GPC5: variants seen among roughly 807,000 people sequenced by gnomAD.
GPC5 encodes glypican 5, also known as glypican-5.
A neutral mutation model predicts 53.9 loss-of-function variants in GPC5; 47 were observed. The ratio of observed to expected loss-of-function variants is 0.87; its 90% confidence interval spans 0.69 to 1.11. The LOEUF (loss-of-function observed/expected upper bound fraction) is 1.11, where lower values mean the gene tolerates loss of function less well. Ranked by LOEUF, GPC5 falls within the 50% of genes most tolerant of loss-of-function variation. The pLI is 0.00. For synonymous variants in GPC5, 286 were observed against 263.3 expected, an observed-to-expected ratio of 1.09 and a Z score of -0.84; for missense variants, 748 against 713.1, an observed-to-expected ratio of 1.05 and a Z score of -0.56.
intron 7 of GPC5, among the ~76,000 whole-genome samples, chr13:92,224,772 C>T (rs1045610219): frequency 6.6e-6 from 1 of 152,204 alleles, no homozygotes; most frequent in African/African-American, 2.4e-5. Context: ...AATTCGAGTG[C>T]TGGAGGAATT....
At chr13:92,692,763 T>TTTTTTTTTTTTTTTTTTTTTTTTTTTA in intron 7 of GPC5, among the ~76,000 whole-genome samples, 1 of 144,474 alleles carries the variant, frequency 6.9e-6, no homozygotes, top group Non-Finnish European at 1.5e-5. Flanking sequence ...TATTTTTTTT[T>TTTTTTTTTTTTTTTTTTTTTTTTTTTA]TTTTTTTTTT....
Position 91,478,881 on chromosome 13 carries a change from T to TTATATATATATATATATA in GPC5, c.325+29963_325+29980dup, listed in dbSNP as rs71113743. ...ATATACACACACATATATATACACATTATATATATATATATATATATGCAC... is the reference window on the plus strand; with the variant it reads ...ATATACACACACATATATATACACATTATATATATATATATATATATATATATATATATATATATGCAC... On this transcript the variant is annotated intron_variant, in intron 2 of 7. Coordinates refer to ENST00000377067, the MANE Select transcript of GPC5 (RefSeq NM_004466.6). Among the ~76,000 whole-genome samples, 658 of 67,184 alleles carry TTATATATATATATATATA rather than the reference T, an allele frequency of 9.8e-3. 13 individuals are homozygous for TTATATATATATATATATA. The highest frequency in any genetic ancestry group is 0.018 in the South Asian group (24 of 1,364). 44.1% of individuals were successfully genotyped at this position (67,184 alleles called of 152,430 possible).
chr13:91,432,207 G>GCTGC (rs1246211835), intron 1 of GPC5, among the ~76,000 whole-genome samples: 2 of 121,628 alleles, frequency 1.6e-5, no homozygotes, highest in African/African-American at 6.9e-5. Flanking sequence ...CTGCTGCTGT[G>GCTGC]TGTGTGTGTG....
intron 2 of GPC5, among the ~76,000 whole-genome samples, chr13:91,553,247 C>A (rs1174190343): frequency 1.3e-5 from 2 of 152,180 alleles, no homozygotes; most frequent in Non-Finnish European, 2.9e-5. Flanking sequence ...AATTGAAACT[C>A]TAGTTTAATT....
At chr13:91,630,421 C>G (rs913284229) in intron 2 of GPC5, among the ~76,000 whole-genome samples, 4 of 152,078 alleles carry the variant, frequency 2.6e-5, no homozygotes, top group African/African-American at 7.2e-5. Flanking sequence ...CCCCATTCTA[C>G]CCAGGTATAG....
At chr13:92,728,786 T>G (rs910034080) in intron 7 of GPC5, among the ~76,000 whole-genome samples, 2 of 151,388 alleles carry the variant, frequency 1.3e-5, no homozygotes, top group African/African-American at 2.4e-5. Flanking sequence ...ACATTGTAAT[T>G]TTTGCATGTT....
chr13:92,128,518 A>G (rs1476009148), intron 6 of GPC5, among the ~76,000 whole-genome samples: 1 of 152,248 alleles, frequency 6.6e-6, no homozygotes, highest in Non-Finnish European at 1.5e-5. Flanking sequence ...TTTCTCAATA[A>G]CATATCTTAA....
chr13:91,479,972 A>G (rs1192932922), intron 2 of GPC5, among the ~76,000 whole-genome samples: 1 of 152,248 alleles, frequency 6.6e-6, no homozygotes, highest in Non-Finnish European at 1.5e-5. Context: ...AGTTTACCAA[A>G]TTAGAAATAA....
At chr13:91,636,864 A>G (rs956086368) in intron 2 of GPC5, among the ~76,000 whole-genome samples, 3 of 152,184 alleles carry the variant, frequency 2.0e-5, no homozygotes, top group Admixed American at 6.5e-5. Context: ...AGGCTGAGAT[A>G]GGAGCATTGC....
At chr13:92,193,644 C>T (rs912637084) in intron 7 of GPC5, among the ~76,000 whole-genome samples, 10 of 152,076 alleles carry the variant, frequency 6.6e-5, no homozygotes, top group African/African-American at 2.4e-4. Flanking sequence ...CAAATTAATC[C>T]GACAGTTATA....
At chr13:92,594,550 T>C (rs1883807745) in intron 7 of GPC5, among the ~76,000 whole-genome samples, 1 of 152,184 alleles carries the variant, frequency 6.6e-6, no homozygotes, top group Non-Finnish European at 1.5e-5. Flanking sequence ...ACCTTCAGTT[T>C]TGAGGGTTGT....
chr13:92,109,721 A>C (rs999963050), intron 6 of GPC5, among the ~76,000 whole-genome samples: 3 of 152,164 alleles, frequency 2.0e-5, no homozygotes, highest in African/African-American at 7.2e-5. Flanking sequence ...TAAGGTAAGA[A>C]TAATCTGAAA....
At chr13:92,485,964 C>T (rs572879266) in intron 7 of GPC5, among the ~76,000 whole-genome samples, 2 of 152,242 alleles carry the variant, frequency 1.3e-5, no homozygotes, top group South Asian at 4.1e-4. Context: ...AAAACTCTGT[C>T]TCAAAGAAAA....
intron 7 of GPC5, among the ~76,000 whole-genome samples, chr13:92,582,115 T>C (rs1883392265): frequency 6.6e-6 from 1 of 152,148 alleles, no homozygotes; most frequent in Admixed American, 6.5e-5. Flanking sequence ...AAAAAATTAT[T>C]GCCTACATCA....
At chr13:92,727,027 A>G (rs936089086) in intron 7 of GPC5, among the ~76,000 whole-genome samples, 3 of 151,558 alleles carry the variant, frequency 2.0e-5, no homozygotes, top group Non-Finnish European at 4.4e-5. Context: ...TAATTTTAGT[A>G]GAAATGCATT....
chr13:92,805,364 TCTC>T (rs1377081608), intron 7 of GPC5, among the ~76,000 whole-genome samples: 2 of 152,040 alleles, frequency 1.3e-5, no homozygotes, highest in African/African-American at 4.8e-5. Flanking sequence ...GAAACATTAA[TCTC>T]CTTGTACATC....
intron 3 of GPC5, among the ~76,000 whole-genome samples, chr13:91,698,092 G>A (rs541948887): frequency 1.5e-3 from 232 of 151,916 alleles, no homozygotes; most frequent in African/African-American, 3.3e-3. Context: ...TAGTAGAGAC[G>A]GGGTTTCACC....
At chr13:92,133,206 ATATCTTTGTC>A (rs1175186346) in intron 6 of GPC5, among the ~76,000 whole-genome samples, 5 of 152,280 alleles carry the variant, frequency 3.3e-5, no homozygotes, top group African/African-American at 1.2e-4. Flanking sequence ...TCAATTTGGC[ATATCTTTGTC>A]TACAATTTTG....
Position 92,269,230 on chromosome 13 carries a change from T to C in GPC5, c.1561+124241T>C, listed in dbSNP as rs572403250. ...TCCATTTGAAATTTGTTTTTGTATATGCTAGGTGGTAGTATATACTTTCAT... is the reference window on the plus strand; with the variant it reads ...TCCATTTGAAATTTGTTTTTGTATACGCTAGGTGGTAGTATATACTTTCAT... On this transcript the variant is annotated intron_variant, in intron 7 of 7. Coordinates refer to ENST00000377067, the MANE Select transcript of GPC5 (RefSeq NM_004466.6). Among the ~76,000 whole-genome samples, 17 of 152,284 alleles carry C rather than the reference T, an allele frequency of 1.1e-4. No homozygotes were observed. The South Asian group carries it at 3.3e-3, about 30-fold the overall frequency.
Sources: allele counts gnomAD v4.1 joint callset (sites outside exome capture counted in the v4.1 genomes callset), GRCh38; gene constraint gnomAD v4.1.1; transcripts MANE v1.5; gene names NCBI Gene and HGNC (gene_info 2026-07-23, HGNC 2026-07-21).